Variants in ADCY5 observed in about 807,000 individuals in gnomAD.
The protein encoded by ADCY5 is adenylate cyclase type 5.
In ADCY5, 30 loss-of-function variants were observed where a neutral mutation model predicts 119.7. That is an observed-to-expected ratio of 0.25 (90% confidence interval 0.19 to 0.34). The LOEUF (loss-of-function observed/expected upper bound fraction) is 0.34, where lower values mean the gene tolerates loss of function less well. Ranked by LOEUF, ADCY5 falls within the 10% of genes least tolerant of loss-of-function variation. The pLI is 1.00. For missense variants in ADCY5, 1,324 were observed against 1,775.2 expected, an observed-to-expected ratio of 0.75 and a Z score of 4.57; for synonymous variants, 753 against 762.2, an observed-to-expected ratio of 0.99 and a Z score of 0.20.
At position 123,352,615 on chromosome 3, in the gene ADCY5, A is replaced by C. The variant is rs1375388239; in HGVS notation, c.1135-34T>G. 2 of 1,576,850 alleles carry C rather than the reference A, an allele frequency of 1.3e-6. No homozygotes were observed. The highest frequency in any genetic ancestry group is 2.7e-5 in the African/African-American group (2 of 74,180). Reference sequence around the variant, plus strand: ...GGAGAGAGGAGCACACCTAGCTCAGATCCTGACCTTCCTGGCCCCAAAGCA... The same window carrying C: ...GGAGAGAGGAGCACACCTAGCTCAGCTCCTGACCTTCCTGGCCCCAAAGCA... On this transcript the variant is annotated intron_variant, in intron 1 of 20. Coordinates refer to ENST00000462833, the MANE Select transcript of ADCY5 (RefSeq NM_183357.3). The surrounding 1 kb of genome is among the most constrained non-coding windows in gnomAD (Gnocchi z 4.8).
chr3:123,401,399 C>T (rs970624151), intron 1 of ADCY5, among the ~76,000 whole-genome samples: 10 of 152,160 alleles, frequency 6.6e-5, no homozygotes, highest in African/African-American at 2.4e-4. Flanking sequence ...CCTACCATCC[C>T]ATCCCTCTAC....
intron 3 of ADCY5, among the ~76,000 whole-genome samples, chr3:123,346,607 T>TCTCTCTCTCTCTCTCTCTCTC (rs1316376575): frequency 7.0e-5 from 9 of 128,068 alleles, no homozygotes; most frequent in Non-Finnish European, 1.1e-4. Flanking sequence ...CAGCCTCACC[T>TCTCTCTCTCTCTCTCTCTCTC]TCTCTCTCTC....
At chr3:123,374,267 T>C (rs912873761) in intron 1 of ADCY5, among the ~76,000 whole-genome samples, 22 of 152,020 alleles carry the variant, frequency 1.4e-4, no homozygotes, top group African/African-American at 5.3e-4. Context: ...CATAGCAGGA[T>C]CAGAGAGCGA....
intron 17 of ADCY5, 99 bp from the exon 18 acceptor site, chr3:123,291,475 T>C: frequency 6.9e-7 from 1 of 1,451,842 alleles, no homozygotes; most frequent in Non-Finnish European, 9.3e-7. Context: ...AAAGCACCAG[T>C]CACGCAAATG....
At chr3:123,330,742 A>G in intron 5 of ADCY5, 147 bp downstream of exon 5, 1 of 1,093,824 alleles carries the variant, frequency 9.1e-7, no homozygotes, top group Non-Finnish European at 1.3e-6. Context: ...GGCACACGCC[A>G]ACCCTCAGCT....
intron 1 of ADCY5, chr3:123,367,795 C>T (rs1272817836): frequency 9.0e-6 from 13 of 1,439,610 alleles, no homozygotes; most frequent in African/African-American, 1.4e-5. Flanking sequence ...CCCACATCTC[C>T]TCCCTCTTTC....
At chr3:123,367,404 G>A (rs1943483295) in intron 1 of ADCY5, among the ~76,000 whole-genome samples, 1 of 152,188 alleles carries the variant, frequency 6.6e-6, no homozygotes, top group South Asian at 2.1e-4. Flanking sequence ...CTGGGATAAG[G>A]AGACGTTTGC....
chr3:123,297,364 C>A lies in ADCY5; in HGVS notation c.2919G>T (p.Gly973=). 1.2e-6 allele frequency: 2 copies of A among 1,614,030 alleles called. No individual in the cohort carries two copies. The highest frequency in any genetic ancestry group is 1.7e-6 in the Non-Finnish European group (2 of 1,180,016). Residue 973 remains glycine (G), a synonymous_variant, in exon 16 of 21, where the codon GGG becomes GGT. Coordinates refer to ENST00000462833, the MANE Select transcript of ADCY5 (RefSeq NM_183357.3). ...TANAIDFFNN[G]TSQCPEHATK... is the part of the protein sequence containing the mutation. ...GAGCATCAACTCACCACTGGGAGGT[C>A]CCGTTGTTGAAGAAGTCTCTGTGAA... is the stretch of plus-strand genomic sequence containing the variant.
intron 14 of ADCY5, among the ~76,000 whole-genome samples, chr3:123,301,373 C>T (rs1280837486): frequency 6.6e-6 from 1 of 152,092 alleles, no homozygotes; most frequent in Non-Finnish European, 1.5e-5. Context: ...AGCCTCACAT[C>T]GCCACTGGGA....
chr3:123,405,278 C>T (rs540606416), intron 1 of ADCY5, among the ~76,000 whole-genome samples: 7 of 152,350 alleles, frequency 4.6e-5, no homozygotes, highest in South Asian at 2.1e-4. Flanking sequence ...AGCCTTGCCC[C>T]GCGGACTCCC....
intron 17 of ADCY5, among the ~76,000 whole-genome samples, chr3:123,294,437 G>A: frequency 6.6e-6 from 1 of 152,246 alleles, no homozygotes; most frequent in East Asian, 1.9e-4. Context: ...GGCAGATGCT[G>A]GTTGAGCAGG....
intron 11 of ADCY5, among the ~76,000 whole-genome samples, chr3:123,316,627 C>G (rs1940924099): frequency 6.6e-6 from 1 of 152,176 alleles, no homozygotes; most frequent in Admixed American, 6.5e-5. Flanking sequence ...TTAGATGAAG[C>G]ATGGCTTAGA....
intron 2 of ADCY5, among the ~76,000 whole-genome samples, chr3:123,349,082 C>T (rs1576608020): frequency 6.6e-6 from 1 of 152,272 alleles, no homozygotes; most frequent in African/African-American, 2.4e-5. Context: ...AGCCATTTCC[C>T]ACATCCCTAC....
At chr3:123,370,022 G>A (rs981480219) in intron 1 of ADCY5, among the ~76,000 whole-genome samples, 79 of 152,302 alleles carry the variant, frequency 5.2e-4, no homozygotes, top group African/African-American at 1.8e-3. Context: ...GGCATGAGGA[G>A]TAACAGTGTT....
At chr3:123,349,278 G>A (rs371560377) in intron 2 of ADCY5, among the ~76,000 whole-genome samples, 1 of 152,150 alleles carries the variant, frequency 6.6e-6, no homozygotes, top group Admixed American at 6.5e-5. Flanking sequence ...TCCTGCCCAC[G>A]TAAGTGGCTT....
In ADCY5 at chr3:123,319,669, T is replaced by A. The variant is rs776231023; in HGVS notation, c.2256+5A>T. The A allele has an allele frequency of 6.2e-7, 1 of 1,614,092 alleles. No individual in the cohort carries two copies. Among genetic ancestry groups the A allele is most frequent in the Non-Finnish European group, 8.5e-7 (1 of 1,179,976 alleles). ...GGGGCCTCCTTCCCACCCAGGGTGC[T>A]GTACCTTCTTCTCTAAGTCAGGCTC... is the stretch of plus-strand genomic sequence containing the variant. On this transcript the variant is annotated splice_donor_5th_base_variant and intron_variant, in intron 10 of 20. Coordinates refer to ENST00000462833, the MANE Select transcript of ADCY5 (RefSeq NM_183357.3).
Position 123,308,403 on chromosome 3 carries a change from T to G in ADCY5, c.2443-4220A>C, listed in dbSNP as rs142678424. On this transcript the variant is annotated intron_variant, in intron 12 of 20. Transcript: ENST00000462833. ...ACCTCAGTAGGAACTCAGGAATTAC[T>G]GTTCTTTTGAAGTCTCCAGAAGATT... 2.9e-4 allele frequency among the ~76,000 whole-genome samples: 44 copies of G among 152,302 alleles called. No individual in the cohort carries two copies. In the East Asian group the frequency reaches 8.3e-3, roughly 29 times the overall value.
At chr3:123,439,947 C>T (rs76846759) in intron 1 of ADCY5, among the ~76,000 whole-genome samples, 5,898 of 152,320 alleles carry the variant, frequency 0.039, 474 homozygotes, top group East Asian at 0.34. Flanking sequence ...AGAAGGCACA[C>T]ATTTTAAATT....
intron 7 of ADCY5, among the ~76,000 whole-genome samples, chr3:123,325,712 C>G (rs1309244972): frequency 6.6e-6 from 1 of 152,224 alleles, no homozygotes; most frequent in South Asian, 2.1e-4. Context: ...GAGAGTTGGT[C>G]TTGTGAGAAA....
Sources: allele counts gnomAD v4.1 joint callset (sites outside exome capture counted in the v4.1 genomes callset), GRCh38; gene constraint gnomAD v4.1.1; non-coding constraint Gnocchi (gnomAD v3.1); transcripts MANE v1.5; gene names NCBI Gene and HGNC (gene_info 2026-07-23, HGNC 2026-07-21).